Variants in TBC1D9 observed in about 807,000 individuals in gnomAD.
TBC1D9 encodes the protein TBC1 domain family member 9, also known as TBC1 domain family member 9A.
Under a neutral mutation model 132.0 loss-of-function variants are expected in TBC1D9, and 63 were observed. That is an observed-to-expected ratio of 0.48 (90% CI 0.39 to 0.59). The LOEUF is 0.59. Ranked by LOEUF, TBC1D9 falls within the 20% of genes least tolerant of loss-of-function variation. The pLI is 0.00. For missense variants in TBC1D9, 1,261 were observed against 1,592.7 expected, an observed-to-expected ratio of 0.79 and a Z score of 3.54; for synonymous variants, 610 against 609.9, an observed-to-expected ratio of 1.00 and a Z score of 0.00.
intron 13 of TBC1D9, chr4:140,642,759 C>G (rs1737025192): frequency 6.2e-6 from 4 of 646,560 alleles, no homozygotes; most frequent in Non-Finnish European, 1.1e-5. Context: ...TCATAGTCAT[C>G]TGATGTCGGC....
intron 16 of TBC1D9, among the ~76,000 whole-genome samples, chr4:140,630,503 A>G (rs1423879590): frequency 6.6e-6 from 1 of 152,000 alleles, no homozygotes; most frequent in Non-Finnish European, 1.5e-5. Context: ...CCTGCCCTTA[A>G]CACAAAAAGA....
intron 13 of TBC1D9, among the ~76,000 whole-genome samples, chr4:140,641,505 C>T (rs932275216): frequency 1.3e-5 from 2 of 152,094 alleles, no homozygotes; most frequent in African/African-American, 4.8e-5. Context: ...GTCACACGCC[C>T]ACATGACAGA....
At chr4:140,723,285 T>A (rs772652087) in intron 1 of TBC1D9, among the ~76,000 whole-genome samples, 3 of 151,940 alleles carry the variant, frequency 2.0e-5, no homozygotes, top group Non-Finnish European at 2.9e-5. Flanking sequence ...CCTTGAAGGG[T>A]TTAGTAAGAG....
chr4:140,724,488 A>G (rs938960507), intron 1 of TBC1D9, among the ~76,000 whole-genome samples: 8 of 152,180 alleles, frequency 5.3e-5, no homozygotes, highest in Admixed American at 3.9e-4. Context: ...AAATTTTGAA[A>G]GTTTTCTTCA....
At position 140,624,099 on chromosome 4, in the gene TBC1D9, G is replaced by A. The variant is rs1300404146; in HGVS notation, c.3078+17C>T. 6.3e-7 allele frequency: 1 copy of A among 1,577,802 alleles called. No homozygotes were observed. Among genetic ancestry groups the A allele is most frequent in the Non-Finnish European group, 8.6e-7 (1 of 1,156,448 alleles). On this transcript the variant is annotated intron_variant, in intron 20 of 20. Transcript: ENST00000442267. The stretch of plus-strand genomic sequence containing the variant: ...TGTCCAGGTTTGAAGCGAATGATTT[G>A]AACTTTAAGCACTTACCTGATTTAA...
intron 9 of TBC1D9, among the ~76,000 whole-genome samples, chr4:140,664,726 AG>A (rs1737416131): frequency 6.6e-6 from 1 of 152,214 alleles, no homozygotes; most frequent in Non-Finnish European, 1.5e-5. Context: ...GGGAAAGAAT[AG>A]TATTTTCAAC....
chr4:140,681,940 T>A (rs1271321578), intron 3 of TBC1D9, among the ~76,000 whole-genome samples: 2 of 152,218 alleles, frequency 1.3e-5, no homozygotes, highest in African/African-American at 4.8e-5. Flanking sequence ...GAAAATAGCA[T>A]GTTTATATGT....
intron 13 of TBC1D9, chr4:140,645,459 G>C (rs1430582): frequency 0.092 from 37,834 of 411,096 alleles, 2,467 homozygotes; most frequent in African/African-American, 0.22. Flanking sequence ...CTTCAGCTGC[G>C]GGCCCCTGCC....
chr4:140,646,816 C>A (rs148676756), intron 13 of TBC1D9, among the ~76,000 whole-genome samples: 1 of 152,304 alleles, frequency 6.6e-6, no homozygotes, highest in East Asian at 1.9e-4. Flanking sequence ...GAAGAAACTT[C>A]TTATCTCCAA....
chr4:140,654,058 C>T (rs530472903), intron 13 of TBC1D9, among the ~76,000 whole-genome samples: 29 of 152,354 alleles, frequency 1.9e-4, no homozygotes, highest in East Asian at 5.8e-4. Flanking sequence ...TTAGGAATAA[C>T]GCTCAAAACC....
intron 9 of TBC1D9, among the ~76,000 whole-genome samples, chr4:140,666,884 C>A (rs78727986): frequency 0.052 from 7,939 of 152,230 alleles, 690 homozygotes; most frequent in African/African-American, 0.18. Flanking sequence ...AGCCCCAAGA[C>A]CCCTGGACTG....
intron 7 of TBC1D9, 118 bp from the exon 8 acceptor site, chr4:140,669,922 C>T (rs1737509788): frequency 9.6e-7 from 1 of 1,044,144 alleles, no homozygotes; most frequent in Non-Finnish European, 1.4e-6. Context: ...GTGTTTCTTG[C>T]TATGTGAAGA....
chr4:140,756,007 C>G lies in TBC1D9; in HGVS notation c.39G>C (p.Ala13=). 2 of 1,609,764 alleles carry G rather than the reference C, an allele frequency of 1.2e-6. No homozygotes were observed. Among genetic ancestry groups the G allele is most frequent in the Non-Finnish European group, 1.7e-6 (2 of 1,177,738 alleles). ...GGTTGGCCCTCTCGGTGATCCACAG[C>G]GCGTTGGCCAGCAACACCTCCTCCG... The part of the protein sequence containing the change: ...VNPEEVLLAN[A]LWITERANPY... Residue 13 remains alanine, a synonymous_variant, in exon 1 of 21, where the codon GCG becomes GCC. Transcript: ENST00000442267. This position sits in a 1 kb window ranked among gnomAD's most constrained non-coding sequence, Gnocchi z 5.6.
At chr4:140,753,498 C>T (rs1396631018) in intron 1 of TBC1D9, among the ~76,000 whole-genome samples, 1 of 152,168 alleles carries the variant, frequency 6.6e-6, no homozygotes, top group Non-Finnish European at 1.5e-5. Context: ...TCCCTTTCTG[C>T]TATTGTCTAT....
rs1353337278 is a variant in TBC1D9, at chr4:140,642,230, T to C, written c.2338-2802A>G. ...GCGGGCCACTCTCCTTCAGGAATTCTTCGTCTTCCTCTGAGTCTGTATTGT... is the reference window on the plus strand; with the variant it reads ...GCGGGCCACTCTCCTTCAGGAATTCCTCGTCTTCCTCTGAGTCTGTATTGT... On this transcript the variant is annotated intron_variant, in intron 13 of 20. Transcript: ENST00000442267. The C allele has an allele frequency of 1.4e-5, 10 of 726,656 alleles. No homozygotes were observed. In the East Asian group the frequency reaches 1.6e-4, roughly 11 times the overall value. 45.0% of individuals were successfully genotyped at this position (726,656 alleles called of 1,614,324 possible).
chr4:140,631,291 C>T (rs774092329), intron 16 of TBC1D9, among the ~76,000 whole-genome samples: 24 of 152,126 alleles, frequency 1.6e-4, no homozygotes, highest in African/African-American at 5.1e-4. Flanking sequence ...GGCACGATCT[C>T]GGCTCACTGC....
At chr4:140,673,642 G>A (rs994419338) in intron 6 of TBC1D9, among the ~76,000 whole-genome samples, 1 of 152,164 alleles carries the variant, frequency 6.6e-6, no homozygotes, top group Non-Finnish European at 1.5e-5. Flanking sequence ...AGGCACTGCC[G>A]TCTCACTGAG....
intron 2 of TBC1D9, among the ~76,000 whole-genome samples, chr4:140,700,279 G>A (rs113945104): frequency 1.3e-4 from 19 of 151,122 alleles, no homozygotes; most frequent in South Asian, 2.1e-4. Flanking sequence ...GTGAAACCTC[G>A]TCTCTACTAA....
chr4:140,755,786 T>C (rs1401055939), intron 1 of TBC1D9, 130 bp downstream of exon 1: 15 of 1,322,532 alleles, frequency 1.1e-5, no homozygotes, highest in South Asian at 1.8e-5. Flanking sequence ...ATGCCTCGCA[T>C]ACAACGAGGC....
Sources: allele counts gnomAD v4.1 joint callset (sites outside exome capture counted in the v4.1 genomes callset), GRCh38; gene constraint gnomAD v4.1.1; non-coding constraint Gnocchi (gnomAD v3.1); transcripts MANE v1.5; gene names NCBI Gene and HGNC (gene_info 2026-07-23, HGNC 2026-07-21).